ARHGEF38: variants seen among roughly 807,000 people sequenced by gnomAD.
ARHGEF38 encodes the protein Rho guanine nucleotide exchange factor 38.
In ARHGEF38, 79 loss-of-function variants were observed where a neutral mutation model predicts 79.9. The observed-to-expected ratio is 0.99, with a 90% CI of 0.82 to 1.19. ARHGEF38 has a LOEUF of 1.19. Among genes scored for constraint, ARHGEF38 ranks in the 50% most tolerant of loss-of-function variants. The pLI, the probability that ARHGEF38 is intolerant of heterozygous loss-of-function variation, is 0.00. For missense variants in ARHGEF38, 962 were observed against 907.2 expected (o/e 1.06, Z -0.78); for synonymous variants, 366 against 328.3 (o/e 1.11, Z -1.24).
chr4:105,606,890 G>T (rs532587956), intron 2 of ARHGEF38, among the ~76,000 whole-genome samples: 1 of 152,142 alleles, frequency 6.6e-6, no homozygotes, highest in African/African-American at 2.4e-5. Flanking sequence ...AATTACAGGT[G>T]ACTGTATTTT....
chr4:105,653,888 T>A (rs1730213144), intron 7 of ARHGEF38, among the ~76,000 whole-genome samples, 177 bp from the exon 8 acceptor site: 1 of 152,200 alleles, frequency 6.6e-6, no homozygotes, highest in African/African-American at 2.4e-5. Context: ...TAACTGAGCA[T>A]CAGTTGTGTT....
chr4:105,602,296 A>G (rs897574312), intron 2 of ARHGEF38, among the ~76,000 whole-genome samples: 33 of 152,324 alleles, frequency 2.2e-4, no homozygotes, highest in African/African-American at 7.7e-4. Flanking sequence ...GGTCTTGTCC[A>G]GGCAAACTGT....
intron 1 of ARHGEF38, among the ~76,000 whole-genome samples, chr4:105,585,856 C>G (rs1453769268): frequency 6.7e-6 from 1 of 150,176 alleles, no homozygotes; most frequent in Non-Finnish European, 1.5e-5. Context: ...CTTAGCCTCC[C>G]AAGTAGCTGG....
chr4:105,664,173 G>A (rs145402382), intron 10 of ARHGEF38, among the ~76,000 whole-genome samples: 118 of 152,282 alleles, frequency 7.7e-4, no homozygotes, highest in African/African-American at 2.7e-3. Flanking sequence ...TGGGATTGCT[G>A]AATCATATGG....
intron 7 of ARHGEF38, among the ~76,000 whole-genome samples, chr4:105,653,030 T>C (rs955897266): frequency 2.0e-5 from 3 of 152,218 alleles, no homozygotes; most frequent in Non-Finnish European, 2.9e-5. Context: ...ATTTGCACGT[T>C]CACACAGATT....
chr4:105,620,585 G>A (rs1728698382), intron 3 of ARHGEF38, among the ~76,000 whole-genome samples: 1 of 152,092 alleles, frequency 6.6e-6, no homozygotes, highest in African/African-American at 2.4e-5. Context: ...TTTCTTAGAG[G>A]TCCTGATCAT....
Position 105,677,866 on chromosome 4 carries a change from T to TAAA in ARHGEF38, c.2263_2264insAAA (p.Trp755delinsTer). On this transcript the variant is annotated stop_gained, in exon 14 of 14. Coordinates refer to ENST00000420470, the MANE Select transcript of ARHGEF38 (RefSeq NM_001242729.2). LOFTEE classifies it high-confidence loss of function. ...TGACCTAAGTGGCAATAAAGAGTGGTGGTTAGCTGAAGCTCAAGGGCAGAA... is the reference window on the plus strand; with the variant it reads ...TGACCTAAGTGGCAATAAAGAGTGGTAAAGGTTAGCTGAAGCTCAAGGGCAGAA... 1.3e-6 allele frequency: 2 copies of TAAA among 1,535,226 alleles called. No individual in the cohort carries two copies. The highest frequency in any genetic ancestry group is 1.7e-6 in the Non-Finnish European group (2 of 1,146,244).
At chr4:105,591,942 T>C (rs1276937068) in intron 2 of ARHGEF38, among the ~76,000 whole-genome samples, 1 of 152,240 alleles carries the variant, frequency 6.6e-6, no homozygotes, top group East Asian at 1.9e-4. Context: ...TTTATTAACA[T>C]ATAAACCAGA....
At chr4:105,660,164 A>C (rs987631286) in intron 10 of ARHGEF38, among the ~76,000 whole-genome samples, 5 of 152,176 alleles carry the variant, frequency 3.3e-5, no homozygotes, top group Non-Finnish European at 7.3e-5. Flanking sequence ...CTATGTTTAC[A>C]GGGTTCAAAA....
intron 1 of ARHGEF38, among the ~76,000 whole-genome samples, chr4:105,587,755 C>T (rs191101796): frequency 5.3e-5 from 8 of 152,210 alleles, no homozygotes; most frequent in Non-Finnish European, 8.8e-5. Context: ...CCACTGCTCC[C>T]GGCCTCATGT....
At chr4:105,643,132 AG>A (rs1469758156) in intron 5 of ARHGEF38, among the ~76,000 whole-genome samples, 2 of 147,844 alleles carry the variant, frequency 1.4e-5, no homozygotes, top group African/African-American at 2.5e-5. Flanking sequence ...GTTTTTTGTT[AG>A]TTTTTTTTTT....
intron 10 of ARHGEF38, among the ~76,000 whole-genome samples, chr4:105,663,422 A>G (rs969212553): frequency 5.3e-5 from 8 of 152,138 alleles, no homozygotes; most frequent in African/African-American, 1.9e-4. Flanking sequence ...AAACATTTTC[A>G]TCTTGCAAAA....
At chr4:105,628,030 T>TA (rs70941204) in intron 3 of ARHGEF38, among the ~76,000 whole-genome samples, 157 of 144,954 alleles carry the variant, frequency 1.1e-3, no homozygotes, top group South Asian at 1.1e-3. Context: ...TGGAAAAGAG[T>TA]AAAAAAAAAA....
At chr4:105,677,576 C>G (rs1731166679) in intron 13 of ARHGEF38, among the ~76,000 whole-genome samples, 176 bp from the exon 14 acceptor site, 1 of 152,196 alleles carries the variant, frequency 6.6e-6, no homozygotes, top group African/African-American at 2.4e-5. Flanking sequence ...CTATTTCACT[C>G]CATTCTCACC....
In ARHGEF38 at chr4:105,561,400, T is replaced by TAATAGAATAGAATAGAATAGAATGG. The variant is rs1725528757; in HGVS notation, c.196+8488_196+8512dup. Among the ~76,000 whole-genome samples, 11 of 30,172 alleles carry TAATAGAATAGAATAGAATAGAATGG rather than the reference T, an allele frequency of 3.6e-4. No homozygotes were observed. The East Asian group carries it at 4.3e-3, about 12-fold the overall frequency. The allele number at this position is 30,172 out of a possible 152,430, so 19.8% of individuals were successfully genotyped here. On this transcript the variant is annotated intron_variant, in intron 1 of 13. Coordinates refer to ENST00000420470, the MANE Select transcript of ARHGEF38 (RefSeq NM_001242729.2). ...CTGGAGTCTCAAAAATAGAGTAGAA[T>TAATAGAATAGAATAGAATAGAATGG]AATAGAATAGAATAGAATAGAATGG...
chr4:105,667,228 C>A lies in ARHGEF38; in HGVS notation c.1789C>A (p.Gln597Lys). 2 of 1,536,172 alleles carry A rather than the reference C, an allele frequency of 1.3e-6. No homozygotes were observed. Among genetic ancestry groups the A allele is most frequent in the Non-Finnish European group, 1.7e-6 (2 of 1,146,920 alleles). Residue 597 changes from glutamine to lysine, a missense_variant, in exon 12 of 14, where the codon CAA becomes AAA. Transcript: ENST00000420470. Reference sequence around the variant, plus strand: ...AGCTAAGCGCAAGTGCAATGCTACACAAGAATATGACATCAATCTTCTGGA... The same window carrying A: ...AGCTAAGCGCAAGTGCAATGCTACAAAAGAATATGACATCAATCTTCTGGA... The part of the protein sequence containing the change: ...YQAKRKCNAT[Q>K]EYDINLLEGD...
intron 7 of ARHGEF38, among the ~76,000 whole-genome samples, chr4:105,649,481 C>A (rs1730000263): frequency 6.6e-6 from 1 of 152,174 alleles, no homozygotes; most frequent in Non-Finnish European, 1.5e-5. Flanking sequence ...ACTTGCAATT[C>A]TTTGAGAATC....
At chr4:105,568,977 GAGATCAGTAAGATTTCA>G in intron 1 of ARHGEF38, among the ~76,000 whole-genome samples, 1 of 152,256 alleles carries the variant, frequency 6.6e-6, no homozygotes, top group Middle Eastern at 3.4e-3. Flanking sequence ...TCTTTACTAA[GAGATCAGTAAGATTTCA>G]ATACAATTAA....
rs374167650 is a variant in ARHGEF38, at chr4:105,590,130, A to G, written c.384+695A>G. Among the ~76,000 whole-genome samples, 219 of 131,944 alleles carry G rather than the reference A, an allele frequency of 1.7e-3. 1 individual carries two copies. The highest frequency in any genetic ancestry group is 5.7e-3 in the African/African-American group (192 of 33,450). 86.6% of individuals were successfully genotyped at this position (131,944 alleles called of 152,430 possible). A position where few individuals can be genotyped will look rare whatever the true frequency, so the allele number is the denominator to read the frequency against. ...AGGAAGGAAGGAAGGAAGGAAGGAA[A>G]GAAAGAAAAAAAAGAAAGAAAGAAA... is the stretch of plus-strand genomic sequence containing the variant. On this transcript the variant is annotated intron_variant, in intron 2 of 13. Coordinates refer to ENST00000420470, the MANE Select transcript of ARHGEF38 (RefSeq NM_001242729.2).
Sources: gnomAD v4.1 joint callset for allele counts (sites outside exome capture counted in the v4.1 genomes callset) on GRCh38, gnomAD v4.1.1 for gene constraint, MANE v1.5 for transcripts, NCBI Gene and HGNC (gene_info 2026-07-23, HGNC 2026-07-21) for gene names.